The following HMGB1 variants were observed in gnomAD, a reference collection of about 807,000 sequenced individuals.
HMGB1 encodes the protein high mobility group protein B1.
For synonymous variants in HMGB1, 81 were observed against 84.0 expected, an observed-to-expected ratio of 0.96 and a Z score of 0.19; for missense variants, 79 against 253.5, an observed-to-expected ratio of 0.31 and a Z score of 4.67.
At chr13:30,465,136 C>T (rs1452740834) in intron 1 of HMGB1, 88 of 970,734 alleles carry the variant, frequency 9.1e-5, no homozygotes, top group Non-Finnish European at 1.1e-4. Context: ...CCAGCAGCGC[C>T]GGGCCCGAGT....
At chr13:30,462,142 G>T (rs533535773) in intron 4 of HMGB1, among the ~76,000 whole-genome samples, 1 of 152,232 alleles carries the variant, frequency 6.6e-6, no homozygotes, top group South Asian at 2.1e-4. Flanking sequence ...GGTTTTTTGA[G>T]TATCTAAAGG....
At chr13:30,567,328 T>G (rs1173266406) in intron 1 of HMGB1, among the ~76,000 whole-genome samples, 1 of 151,738 alleles carries the variant, frequency 6.6e-6, no homozygotes, top group Non-Finnish European at 1.5e-5. Context: ...ACCACTGATT[T>G]CACTTGTTAA....
intron 1 of HMGB1, among the ~76,000 whole-genome samples, chr13:30,480,393 C>T (rs1887199631): frequency 6.6e-6 from 1 of 152,110 alleles, no homozygotes; most frequent in African/African-American, 2.4e-5. Flanking sequence ...TCTAGGTTTT[C>T]CTTACATATA....
At chr13:30,583,528 CAAAAAAAAAA>C (rs35519297) in intron 1 of HMGB1, among the ~76,000 whole-genome samples, 1 of 66,964 alleles carries the variant, frequency 1.5e-5, no homozygotes, top group Admixed American at 1.8e-4. Context: ...ACCTGGTCTC[CAAAAAAAAAA>C]AAAAAAAAAA....
chr13:30,559,871 A>G lies in HMGB1; in HGVS notation c.-15+56800T>C, dbSNP rs1869873287. ...TTAAACAATTAAGAGTATGACTAAG[A>G]TGAATATGCATTCATTCACCAAAAT... On this transcript the variant is annotated intron_variant, in intron 1 of 4. Transcript: ENST00000405805. The surrounding 1 kb of genome is among the most constrained non-coding windows in gnomAD (Gnocchi z 6.6). Among the ~76,000 whole-genome samples, 1 of 152,212 alleles carries G rather than the reference A, an allele frequency of 6.6e-6. No homozygotes were observed. The highest frequency in any genetic ancestry group is 6.5e-5 in the Admixed American group (1 of 15,280).
intron 1 of HMGB1, among the ~76,000 whole-genome samples, chr13:30,535,751 G>GT (rs1162179097): frequency 1.3e-5 from 2 of 152,168 alleles, no homozygotes; most frequent in Non-Finnish European, 2.9e-5. Flanking sequence ...TTAGCCAGGC[G>GT]TGGTGCCACA....
At chr13:30,481,391 C>T (rs1014970937) in intron 1 of HMGB1, among the ~76,000 whole-genome samples, 2 of 152,200 alleles carry the variant, frequency 1.3e-5, no homozygotes, top group African/African-American at 2.4e-5. Context: ...AGCTACCCAA[C>T]ATCTAAGAAA....
intron 1 of HMGB1, among the ~76,000 whole-genome samples, chr13:30,556,795 A>G (rs777115872): frequency 1.4e-4 from 22 of 152,278 alleles, no homozygotes; most frequent in Admixed American, 4.6e-4. Context: ...ATACAAAATT[A>G]TAGCGAGATA....
intron 1 of HMGB1, among the ~76,000 whole-genome samples, chr13:30,597,354 A>G (rs1871660740): frequency 6.6e-6 from 1 of 152,258 alleles, no homozygotes; most frequent in Non-Finnish European, 1.5e-5. Context: ...ACCAGAAGTT[A>G]GGAAGAGTCA....
rs185356571 is a variant in HMGB1, at chr13:30,499,039, G to A, written c.-14-35345C>T. On this transcript the variant is annotated intron_variant, in intron 1 of 4. Coordinates refer to the HMGB1 transcript ENST00000405805. Reference sequence around the variant, plus strand: ...GCAATCTCGGCTCACTCCAACCTCCGCCTCCTGGGTTCAAGTGATTTTCCT... The same window carrying A: ...GCAATCTCGGCTCACTCCAACCTCCACCTCCTGGGTTCAAGTGATTTTCCT... Among the ~76,000 whole-genome samples, 38 of 150,520 alleles carry A rather than the reference G, an allele frequency of 2.5e-4. No homozygotes were observed. The East Asian group carries it at 7.1e-3, about 28-fold the overall frequency.
At chr13:30,560,901 G>T (rs747261082) in intron 1 of HMGB1, among the ~76,000 whole-genome samples, 1 of 151,602 alleles carries the variant, frequency 6.6e-6, no homozygotes, top group Non-Finnish European at 1.5e-5. Context: ...ACCAGTAGAG[G>T]CTGGAGTTCA....
rs1886072543 is a variant in HMGB1, at chr13:30,458,185, G to A, written c.*3172C>T. 1 of 152,158 alleles carries A rather than the reference G, an allele frequency of 6.6e-6. No individual in the cohort carries two copies. The highest frequency in any genetic ancestry group is 2.1e-4 in the South Asian group (1 of 4,824). 9.4% of individuals were successfully genotyped at this position (152,158 alleles called of 1,614,324 possible). ...TTCAGGAGGCGTGTTGTACCAAGCAGACCTAAATGTGAACTTTCATCAAGG... is the reference window on the plus strand; with the variant it reads ...TTCAGGAGGCGTGTTGTACCAAGCAAACCTAAATGTGAACTTTCATCAAGG... On this transcript the variant is annotated 3_prime_UTR_variant, in exon 5 of 5. Transcript: ENST00000341423.
chr13:30,592,889 G>GA (rs1204769966), intron 1 of HMGB1, among the ~76,000 whole-genome samples: 3 of 142,112 alleles, frequency 2.1e-5, no homozygotes, highest in Non-Finnish European at 4.6e-5. Flanking sequence ...AAAAAAAAGC[G>GA]AATCCCTGGG....
chr13:30,557,217 G>A (rs767488518), intron 1 of HMGB1, among the ~76,000 whole-genome samples: 12 of 152,030 alleles, frequency 7.9e-5, no homozygotes, highest in Non-Finnish European at 1.8e-4. Context: ...AATAAAATTT[G>A]CACTGAATTC....
intron 1 of HMGB1, among the ~76,000 whole-genome samples, chr13:30,521,024 A>G (rs768588506): frequency 6.6e-6 from 1 of 152,180 alleles, no homozygotes; most frequent in Non-Finnish European, 1.5e-5. Flanking sequence ...ATGTTCATGG[A>G]CATGACGACT....
At chr13:30,513,582 G>A (rs1888038471) in intron 1 of HMGB1, among the ~76,000 whole-genome samples, 1 of 152,200 alleles carries the variant, frequency 6.6e-6, no homozygotes, top group Non-Finnish European at 1.5e-5. Flanking sequence ...CTGCCTCTCA[G>A]GGAAGACTTC....
Position 30,457,292 on chromosome 13 carries a change from CACTG to C in HMGB1, c.*4061_*4064del, listed in dbSNP as rs1368437211. ...GTGTGAGCCACTGTGCCTGGCTTTC[CACTG>C]ACTTTCTATTTCTGGATTCCAGAGT... On this transcript the variant is annotated 3_prime_UTR_variant, in exon 5 of 5. Coordinates refer to ENST00000341423, the MANE Select transcript of HMGB1 (RefSeq NM_002128.7). 1.3e-5 allele frequency: 2 copies of C among 152,260 alleles called. No individual in the cohort carries two copies. Among genetic ancestry groups the C allele is most frequent in the East Asian group, 3.8e-4 (2 of 5,210 alleles). 9.4% of individuals were successfully genotyped at this position (152,260 alleles called of 1,614,324 possible).
chr13:30,461,756 T>C, intron 4 of HMGB1: 1 of 1,176,974 alleles, frequency 8.5e-7, no homozygotes, highest in South Asian at 1.4e-5. Context: ...TGGCATAGTC[T>C]AATATTTGCA....
intron 1 of HMGB1, among the ~76,000 whole-genome samples, chr13:30,510,530 A>G (rs1443406120): frequency 6.7e-6 from 1 of 149,796 alleles, no homozygotes; most frequent in African/African-American, 2.5e-5. Context: ...ATTCCTTTCA[A>G]GCTATGATTT....
Sources: allele counts gnomAD v4.1 joint callset (sites outside exome capture counted in the v4.1 genomes callset), GRCh38; gene constraint gnomAD v4.1.1; non-coding constraint Gnocchi (gnomAD v3.1); transcripts MANE v1.5; gene names NCBI Gene and HGNC (gene_info 2026-07-23, HGNC 2026-07-21).